CLCN1: variants seen among roughly 807,000 people sequenced by gnomAD.
The protein encoded by CLCN1 is chloride voltage-gated channel 1.
In CLCN1, 100 loss-of-function variants were observed where a neutral mutation model predicts 114.5. The observed-to-expected ratio is 0.87, with a 90% confidence interval of 0.74 to 1.03. The LOEUF is 1.03. CLCN1 is among the 50% of genes least tolerant of loss of function. The probability of loss-of-function intolerance (pLI) is 0.00; values close to 1 mark genes in which losing one functional copy is unlikely to be tolerated. For missense variants in CLCN1, 1,188 were observed against 1,250.0 expected, an observed-to-expected ratio of 0.95 and a Z score of 0.75; for synonymous variants, 485 against 487.1, an observed-to-expected ratio of 1.00 and a Z score of 0.06.
Position 143,350,210 on chromosome 7 carries a change from G to A in CLCN1, c.2404-162G>A, listed in dbSNP as rs886462076. Among the ~76,000 whole-genome samples, 1 of 152,096 alleles carries A rather than the reference G, an allele frequency of 6.6e-6. No homozygotes were observed. Among genetic ancestry groups the A allele is most frequent in the African/African-American group, 2.4e-5 (1 of 41,412 alleles). ...GAAGGGCAGAGAGGCTCTGTCCCCT[G>A]GGAAGAAGGAGGAGGTCCTCTGATC... On this transcript the variant is annotated intron_variant, in intron 20 of 22. Coordinates refer to ENST00000343257, the MANE Select transcript of CLCN1 (RefSeq NM_000083.3). This position sits in a 1 kb window ranked among gnomAD's most constrained non-coding sequence, Gnocchi z 5.1.
chr7:143,346,046 G>A (rs1803233889), intron 17 of CLCN1, 94 bp from the exon 18 acceptor site: 1 of 928,878 alleles, frequency 1.1e-6, no homozygotes, highest in Non-Finnish European at 1.8e-6. Flanking sequence ...GAAGAATAGA[G>A]TTCGCTTTCC....
At position 143,332,421 on chromosome 7, in the gene CLCN1, G is replaced by A. The variant is rs770282110; in HGVS notation, c.1169G>A (p.Arg390His). ...GGTTAACTCTGTTTCTTTTTCAGCCGCCTGCTGTATCCTGGAATTGTTACC... is the reference window on the plus strand; with the variant it reads ...GGTTAACTCTGTTTCTTTTTCAGCCACCTGCTGTATCCTGGAATTGTTACC... ...KALSQFLAKH[R>H]LLYPGIVTFV... Residue 390 changes from arginine to histidine, a missense_variant and splice_region_variant, in exon 11 of 23, where the codon CGC becomes CAC. Arg to His is a conservative substitution (Grantham distance 29). Coordinates refer to ENST00000343257, the MANE Select transcript of CLCN1 (RefSeq NM_000083.3). 1.4e-5 allele frequency: 23 copies of A among 1,613,198 alleles called. No homozygotes were observed. The highest frequency in any genetic ancestry group is 1.1e-4 in the South Asian group (10 of 91,072).
chr7:143,339,611 T>C lies in CLCN1; in HGVS notation c.1572T>C (p.Tyr524=). The change falls in exon 14 of 23, where the codon TAT becomes TAC. Residue 524 remains tyrosine (Y), a synonymous_variant. Transcript: ENST00000343257. The surrounding 1 kb of genome is among the most constrained non-coding windows in gnomAD (Gnocchi z 4.1). ...TCTACAAGATCCTACCTGGGGGCTA[T>C]GCAGTAATTGGTGAGAAACATTCCC... The part of the protein sequence containing the change: ...DIIYKILPGG[Y]AVIGAAALTG... 6.2e-7 allele frequency: 1 copy of C among 1,601,270 alleles called. No individual in the cohort carries two copies. The highest frequency in any genetic ancestry group is 1.1e-5 in the South Asian group (1 of 90,826).
chr7:143,329,469 G>C (rs1263676310), intron 7 of CLCN1, among the ~76,000 whole-genome samples: 4 of 152,206 alleles, frequency 2.6e-5, no homozygotes, highest in African/African-American at 9.7e-5. Flanking sequence ...AACTGTAGCA[G>C]CTGCTGCATT....
rs1308245696 is a variant in CLCN1 at position 143,332,441 on chromosome 7, G to A, written c.1189G>A (p.Val397Ile). 6.2e-7 allele frequency: 1 copy of A among 1,614,026 alleles called. No homozygotes were observed. Among genetic ancestry groups the A allele is most frequent in the Non-Finnish European group, 8.5e-7 (1 of 1,180,028 alleles). Residue 397 changes from valine (V) to isoleucine (I), a missense_variant, in exon 11 of 23, where the codon GTT becomes ATT. Coordinates refer to ENST00000343257, the MANE Select transcript of CLCN1 (RefSeq NM_000083.3). Reference protein sequence around the residue: ...AKHRLLYPGIVTFVIASFTFP... With the variant: ...AKHRLLYPGIITFVIASFTFP... ...CAGCCGCCTGCTGTATCCTGGAATT[G>A]TTACCTTTGTCATTGCCTCATTCAC...
rs764736045 is a variant in CLCN1 at position 143,319,717 on chromosome 7, T to C, written c.181-38T>C. On this transcript the variant is annotated intron_variant, in intron 1 of 22. Coordinates refer to ENST00000343257, the MANE Select transcript of CLCN1 (RefSeq NM_000083.3). Reference sequence around the variant, plus strand: ...CCTCTGTCTATTATTTTTTTAGTCTTCCACAAGGCAGACACTGATCATTCT... The same window carrying C: ...CCTCTGTCTATTATTTTTTTAGTCTCCCACAAGGCAGACACTGATCATTCT... 9 of 1,609,966 alleles carry C rather than the reference T, an allele frequency of 5.6e-6. No individual in the cohort carries two copies. The African/African-American group carries it at 9.4e-5, about 17-fold the overall frequency.
At chr7:143,323,728 T>C (rs1802509952) in intron 6 of CLCN1, 1 of 504,936 alleles carries the variant, frequency 2.0e-6, no homozygotes, top group Admixed American at 2.3e-5. Flanking sequence ...CCCCATCCCT[T>C]TGTAGCTCCC....
rs1563089869 is a variant in CLCN1 at position 143,350,356 on chromosome 7, C to T, written c.2404-16C>T. ...AGGCTCTGTGATTTTCGTGACTTTC[C>T]TCCTCTGGCTGACAGATTGAGGCCT... On this transcript the variant is annotated splice_polypyrimidine_tract_variant and intron_variant, in intron 20 of 22. Transcript: ENST00000343257. The surrounding 1 kb of genome is among the most constrained non-coding windows in gnomAD (Gnocchi z 5.1). The T allele has an allele frequency of 6.2e-7, 1 of 1,610,134 alleles. No individual in the cohort carries two copies. The highest frequency in any genetic ancestry group is 8.5e-7 in the Non-Finnish European group (1 of 1,176,842).
At chr7:143,334,561 C>T (rs1449118595) in intron 12 of CLCN1, among the ~76,000 whole-genome samples, 3 of 152,062 alleles carry the variant, frequency 2.0e-5, no homozygotes. Context: ...ATATCTTATG[C>T]TTGCAACAGA....
At position 143,345,667 on chromosome 7, in the gene CLCN1, G is replaced by T; in HGVS notation, c.2077G>T (p.Ala693Ser). The stretch of plus-strand genomic sequence containing the variant: ...GCCTTACGACGGGAAGGCGCGGCTG[G>T]CTGGGGAGGGGCTCCCCGGCGCGCC... ...ELPYDGKARL[A>S]GEGLPGAPPG... The change falls in exon 17 of 23, where the codon GCT becomes TCT. Residue 693 changes from alanine to serine, a missense_variant. Coordinates refer to ENST00000343257, the MANE Select transcript of CLCN1 (RefSeq NM_000083.3). 3 of 1,564,468 alleles carry T rather than the reference G, an allele frequency of 1.9e-6. No individual in the cohort carries two copies. The highest frequency in any genetic ancestry group is 3.5e-4 in the Middle Eastern group (2 of 5,672).
At chr7:143,336,675 G>GAAAA (rs60629044) in intron 12 of CLCN1, among the ~76,000 whole-genome samples, 131,608 of 148,622 alleles carry the variant, frequency 0.89, 58,417 homozygotes, top group African/African-American at 0.94. Flanking sequence ...AAGAAAGAAA[G>GAAAA]AGAAAGAAGA....
At position 143,316,121 on chromosome 7, in the gene CLCN1, G is replaced by A. The variant is rs1030774573; in HGVS notation, c.-92G>A. On this transcript the variant is annotated 5_prime_UTR_variant, in exon 1 of 23. Transcript: ENST00000343257. ...TGGGCATGCTGCCCCAGACGCCTTG[G>A]GGACAGCAAGAGCAGAGGCTTAAGG... 2 of 1,055,716 alleles carry A rather than the reference G, an allele frequency of 1.9e-6. No individual in the cohort carries two copies. The highest frequency in any genetic ancestry group is 3.1e-5 in the African/African-American group (2 of 64,586). 65.4% of individuals were successfully genotyped at this position (1,055,716 alleles called of 1,614,324 possible).
chr7:143,339,493 C>G lies in CLCN1; in HGVS notation c.1472-18C>G. On this transcript the variant is annotated intron_variant, in intron 13 of 22. Transcript: ENST00000343257. The surrounding 1 kb of genome is among the most constrained non-coding windows in gnomAD (Gnocchi z 4.1). ...CTTGGATCTCGTAACACCTTCCTTCCTTTTATCTTCCCTCTAGGAGCTGCA... is the reference window on the plus strand; with the variant it reads ...CTTGGATCTCGTAACACCTTCCTTCGTTTTATCTTCCCTCTAGGAGCTGCA... 1.9e-6 allele frequency: 3 copies of G among 1,589,554 alleles called. No individual in the cohort carries two copies. The highest frequency in any genetic ancestry group is 2.6e-6 in the Non-Finnish European group (3 of 1,157,616).
In CLCN1 at chr7:143,324,556, A is replaced by G; in HGVS notation, c.853+64A>G. On this transcript the variant is annotated intron_variant, in intron 7 of 22. Transcript: ENST00000343257. This position sits in a 1 kb window ranked among gnomAD's most constrained non-coding sequence, Gnocchi z 4.6. ...TGGCCTGGCTCCCAAAACAGTTTTA[A>G]TCAGTATCCACAAGTGCTGGTATTA... is the stretch of plus-strand genomic sequence containing the variant. The G allele has an allele frequency of 1.6e-6, 2 of 1,240,510 alleles. No homozygotes were observed. The highest frequency in any genetic ancestry group is 2.4e-6 in the Non-Finnish European group (2 of 841,258). 76.8% of individuals were successfully genotyped at this position (1,240,510 alleles called of 1,614,324 possible). A position where few individuals can be genotyped will look rare whatever the true frequency, so the allele number is the denominator to read the frequency against.
chr7:143,335,993 C>T (rs1198219245), intron 12 of CLCN1, among the ~76,000 whole-genome samples: 9 of 152,064 alleles, frequency 5.9e-5, no homozygotes, highest in Admixed American at 5.9e-4. Flanking sequence ...ATGAAGAGAA[C>T]TTCCATCTTC....
At chr7:143,322,804 C>T (rs1037928671) in intron 5 of CLCN1, among the ~76,000 whole-genome samples, 1 of 152,216 alleles carries the variant, frequency 6.6e-6, no homozygotes, top group Non-Finnish European at 1.5e-5. Context: ...TACAGGCGTG[C>T]GCCACCGCGC....
intron 7 of CLCN1, among the ~76,000 whole-genome samples, chr7:143,327,371 A>G (rs1020565800): frequency 6.6e-6 from 1 of 152,200 alleles, no homozygotes; most frequent in African/African-American, 2.4e-5. Flanking sequence ...TGGGATTTGT[A>G]GTATCTCACA....
Position 143,339,223 on chromosome 7 carries a change from A to C in CLCN1, c.1402-30A>C. On this transcript the variant is annotated intron_variant, in intron 12 of 22. Transcript: ENST00000343257. The surrounding 1 kb of genome is among the most constrained non-coding windows in gnomAD (Gnocchi z 4.1). ...TGCATGTCTATTGGGCAGAGTTGAA[A>C]GGGTATTCCAACGCTTCTTTCTACT... is the stretch of plus-strand genomic sequence containing the variant. 1 of 1,443,240 alleles carries C rather than the reference A, an allele frequency of 6.9e-7. No homozygotes were observed. The highest frequency in any genetic ancestry group is 9.8e-7 in the Non-Finnish European group (1 of 1,024,688). 89.4% of individuals were successfully genotyped at this position (1,443,240 alleles called of 1,614,324 possible).
chr7:143,325,513 C>T (rs1802552567), intron 7 of CLCN1, among the ~76,000 whole-genome samples: 1 of 152,234 alleles, frequency 6.6e-6, no homozygotes, highest in African/African-American at 2.4e-5. Flanking sequence ...GTTTACATTT[C>T]TGTCCTCAGC....
Sources: gnomAD v4.1 joint callset for allele counts (sites outside exome capture counted in the v4.1 genomes callset) on GRCh38, gnomAD v4.1.1 for gene constraint, Gnocchi (gnomAD v3.1) non-coding constraint, MANE v1.5 for transcripts, NCBI Gene and HGNC (gene_info 2026-07-23, HGNC 2026-07-21) for gene names.